The following PCDH15 variants were observed in gnomAD, a reference collection of about 807,000 sequenced individuals.
The protein encoded by PCDH15 is protocadherin related 15, also known as protocadherin-15.
A neutral mutation model predicts 178.5 loss-of-function variants in PCDH15; 129 were observed. That is an observed-to-expected ratio of 0.72 (90% CI 0.63 to 0.84). The LOEUF (loss-of-function observed/expected upper bound fraction) is 0.84, where lower values mean the gene tolerates loss of function less well. Among genes scored for constraint, PCDH15 ranks in the 40% least tolerant of loss-of-function variants. The pLI is 0.00. For missense variants in PCDH15, 2,230 were observed against 2,099.9 expected (o/e 1.06, Z -1.21); for synonymous variants, 800 against 732.0 (o/e 1.09, Z -1.50).
chr10:54,185,088 C>T lies in PCDH15; in HGVS notation c.1440+46G>A, dbSNP rs1002997384. ...TTTCAGTTCCATACAAACATACATA[C>T]ATACATTCATACATACATATGTATA... is the stretch of plus-strand genomic sequence containing the variant. On this transcript the variant is annotated intron_variant, in intron 12 of 37. Transcript: ENST00000644397. The T allele has an allele frequency of 2.5e-6, 4 of 1,596,340 alleles. No homozygotes were observed. The African/African-American group carries it at 4.0e-5, about 16-fold the overall frequency.
At chr10:54,418,891 G>A (rs1301305004) in intron 3 of PCDH15, among the ~76,000 whole-genome samples, 1 of 151,754 alleles carries the variant, frequency 6.6e-6, no homozygotes, top group Non-Finnish European at 1.5e-5. Context: ...TCACTTCAAG[G>A]GTTGATGTCC....
intron 5 of PCDH15, among the ~76,000 whole-genome samples, chr10:54,367,698 C>T (rs922473473): frequency 2.0e-5 from 3 of 151,736 alleles, no homozygotes; most frequent in Admixed American, 6.6e-5. Context: ...AGGAGAAATA[C>T]CTAATGTAGA....
chr10:55,604,477 T>C (rs1191178462), intron 2 of PCDH15, among the ~76,000 whole-genome samples: 3 of 150,334 alleles, frequency 2.0e-5, no homozygotes, highest in South Asian at 2.1e-4. Flanking sequence ...TATTCCAAAA[T>C]TGACCACATA....
intron 2 of PCDH15, among the ~76,000 whole-genome samples, chr10:55,068,431 G>T (rs1309548278): frequency 6.6e-6 from 1 of 151,950 alleles, no homozygotes; most frequent in Non-Finnish European, 1.5e-5. Context: ...ATTTCATTTT[G>T]TGTTATCTAT....
At chr10:54,518,911 G>T (rs1185513659) in intron 3 of PCDH15, among the ~76,000 whole-genome samples, 3 of 152,104 alleles carry the variant, frequency 2.0e-5, no homozygotes. Flanking sequence ...TTCAATATAT[G>T]CAAATCAATA....
At chr10:55,602,029 C>T (rs983254961) in intron 2 of PCDH15, among the ~76,000 whole-genome samples, 4 of 152,070 alleles carry the variant, frequency 2.6e-5, no homozygotes, top group Non-Finnish European at 4.4e-5. Flanking sequence ...AGTGGGTGCA[C>T]GCGCCGTGCA....
intron 1 of PCDH15, among the ~76,000 whole-genome samples, chr10:54,800,478 G>A (rs1474989918): frequency 6.6e-6 from 1 of 152,070 alleles, no homozygotes; most frequent in Non-Finnish European, 1.5e-5. Flanking sequence ...TAACTCAACT[G>A]CCAACTATAA....
chr10:54,454,919 A>G (rs1434568615), intron 3 of PCDH15, among the ~76,000 whole-genome samples: 1 of 152,158 alleles, frequency 6.6e-6, no homozygotes, highest in Admixed American at 6.6e-5. Flanking sequence ...TGTAATTCCC[A>G]TAATCCCCAT....
intron 9 of PCDH15, among the ~76,000 whole-genome samples, chr10:54,232,674 T>A (rs1591322783): frequency 6.9e-6 from 1 of 145,588 alleles, no homozygotes; most frequent in South Asian, 2.4e-4. Flanking sequence ...AAATTGTATA[T>A]AATATTCCCT....
chr10:54,200,331 T>A (rs2133970386), intron 10 of PCDH15, among the ~76,000 whole-genome samples: 1 of 148,434 alleles, frequency 6.7e-6, no homozygotes, highest in South Asian at 2.2e-4. Context: ...ATGTGCAGGT[T>A]TGTTACGTAC....
intron 1 of PCDH15, among the ~76,000 whole-genome samples, chr10:55,306,917 A>G (rs1270674120): frequency 6.6e-6 from 1 of 152,102 alleles, no homozygotes; most frequent in East Asian, 1.9e-4. Context: ...GACGTGGGAA[A>G]AGTGTAGATC....
At chr10:55,402,780 A>T (rs992993701) in intron 2 of PCDH15, among the ~76,000 whole-genome samples, 1 of 151,976 alleles carries the variant, frequency 6.6e-6, no homozygotes, top group Non-Finnish European at 1.5e-5. Context: ...GCTGTAAAAA[A>T]TATGGGGGTG....
rs558398489 is a variant in PCDH15 at position 54,718,232 on chromosome 10, G to T, written c.-28-53942C>A. ...CATAGGTAACTAACCTGCACATTGT[G>T]CACATGTACCCTAAAACTTGAAGTA... On this transcript the variant is annotated intron_variant, in intron 1 of 37. Coordinates refer to ENST00000644397, the MANE Select transcript of PCDH15 (RefSeq NM_001384140.1). Among the ~76,000 whole-genome samples, 236 of 150,680 alleles carry T rather than the reference G, an allele frequency of 1.6e-3. 1 individual carries two copies. Among genetic ancestry groups the T allele is most frequent in the African/African-American group, 5.6e-3 (229 of 40,672 alleles).
At chr10:55,315,783 T>C (rs1039777521) in intron 1 of PCDH15, among the ~76,000 whole-genome samples, 2 of 152,092 alleles carry the variant, frequency 1.3e-5, no homozygotes, top group Non-Finnish European at 2.9e-5. Flanking sequence ...TTTGGGAGGC[T>C]GAGGCAGGCA....
intron 2 of PCDH15, among the ~76,000 whole-genome samples, chr10:55,626,270 G>A (rs1837527831): frequency 6.6e-6 from 1 of 152,198 alleles, no homozygotes; most frequent in South Asian, 2.1e-4. Context: ...AGGGATCCTT[G>A]CAGAGGAGAG....
Position 54,775,864 on chromosome 10 carries a change from C to A in PCDH15, c.-29+25061G>T, listed in dbSNP as rs991606001. 2.6e-5 allele frequency among the ~76,000 whole-genome samples: 4 copies of A among 152,056 alleles called. No homozygotes were observed. In the East Asian group the frequency reaches 5.8e-4, roughly 22 times the overall value. On this transcript the variant is annotated intron_variant, in intron 1 of 37. Coordinates refer to ENST00000644397, the MANE Select transcript of PCDH15 (RefSeq NM_001384140.1). ...TAGCGCCACTGCACTCCAGCCTGGG[C>A]GACAGAGCAAGACTCCGTCTCAAAC...
At chr10:55,450,714 C>T (rs1189423157) in intron 2 of PCDH15, among the ~76,000 whole-genome samples, 1 of 151,820 alleles carries the variant, frequency 6.6e-6, no homozygotes, top group Non-Finnish European at 1.5e-5. Context: ...TGGCACTTTC[C>T]TAGTTGTTTG....
At chr10:55,432,981 G>A (rs907630598) in intron 2 of PCDH15, among the ~76,000 whole-genome samples, 6 of 151,506 alleles carry the variant, frequency 4.0e-5, no homozygotes, top group African/African-American at 1.5e-4. Flanking sequence ...CCAAGATCGC[G>A]CCACTGCACT....
At chr10:53,849,784 C>T (rs2078224651) in intron 28 of PCDH15, among the ~76,000 whole-genome samples, 1 of 148,508 alleles carries the variant, frequency 6.7e-6, no homozygotes, top group Admixed American at 6.8e-5. Context: ...TGACATGAAC[C>T]CGGGAGACGG....
Sources: allele counts gnomAD v4.1 joint callset (sites outside exome capture counted in the v4.1 genomes callset), GRCh38; gene constraint gnomAD v4.1.1; transcripts MANE v1.5; gene names NCBI Gene and HGNC (gene_info 2026-07-23, HGNC 2026-07-21).